Variants in SYNPR observed in about 807,000 individuals in gnomAD.
The protein encoded by SYNPR is synaptoporin.
A neutral mutation model predicts 32.9 loss-of-function variants in SYNPR; 23 were observed. That is an observed-to-expected ratio of 0.70 (90% confidence interval 0.50 to 0.99). SYNPR has a LOEUF of 0.99. SYNPR is among the 50% of genes least tolerant of loss of function. The pLI is 0.00. For missense variants in SYNPR, 318 were observed against 349.3 expected (o/e 0.91, Z 0.71); for synonymous variants, 146 against 135.9 (o/e 1.07, Z -0.52).
At chr3:63,531,722 C>T (rs879706046) in intron 3 of SYNPR, among the ~76,000 whole-genome samples, 85 of 152,316 alleles carry the variant, frequency 5.6e-4, no homozygotes, top group Non-Finnish European at 1.0e-3. Context: ...AAAGTGGCCT[C>T]TGCCCAGTGA....
intron 3 of SYNPR, among the ~76,000 whole-genome samples, chr3:63,536,122 T>C (rs1702201812): frequency 6.6e-6 from 1 of 151,708 alleles, no homozygotes; most frequent in South Asian, 2.1e-4. Flanking sequence ...AAATAAAAAT[T>C]TTAAAAATTT....
chr3:63,254,823 G>C (rs191060894), intron 2 of SYNPR, among the ~76,000 whole-genome samples: 2 of 152,148 alleles, frequency 1.3e-5, no homozygotes, highest in Non-Finnish European at 2.9e-5. Context: ...ATATAATTAA[G>C]TTATAATGAA....
intron 3 of SYNPR, among the ~76,000 whole-genome samples, chr3:63,533,037 T>C (rs921251061): frequency 1.3e-5 from 2 of 152,178 alleles, no homozygotes; most frequent in African/African-American, 4.8e-5. Context: ...GCACTTGACC[T>C]ATACCTCAAT....
chr3:63,553,839 A>T (rs960306962), intron 3 of SYNPR, among the ~76,000 whole-genome samples: 2 of 152,152 alleles, frequency 1.3e-5, no homozygotes, highest in African/African-American at 4.8e-5. Flanking sequence ...CTCCTGCCTC[A>T]GCCTCCCGAG....
At chr3:63,263,648 G>T (rs1194463207) in intron 2 of SYNPR, among the ~76,000 whole-genome samples, 2 of 152,160 alleles carry the variant, frequency 1.3e-5, no homozygotes, top group African/African-American at 4.8e-5. Context: ...GTGAGTTGGT[G>T]CTGGCTGCCA....
chr3:63,516,591 AT>A (rs1303967226), intron 3 of SYNPR, among the ~76,000 whole-genome samples: 4 of 152,136 alleles, frequency 2.6e-5, no homozygotes, highest in African/African-American at 9.7e-5. Context: ...TCTCACCTTT[AT>A]TTTATAGTTT....
At chr3:63,248,153 A>C (rs1391314492) in intron 1 of SYNPR, among the ~76,000 whole-genome samples, 1 of 151,916 alleles carries the variant, frequency 6.6e-6, no homozygotes, top group Non-Finnish European at 1.5e-5. Context: ...TGTATTAAAA[A>C]CTCCCTCCTT....
chr3:63,245,870 T>C (rs1361306367), intron 1 of SYNPR, among the ~76,000 whole-genome samples: 1 of 152,022 alleles, frequency 6.6e-6, no homozygotes, highest in African/African-American at 2.4e-5. Flanking sequence ...ATGAACAGTC[T>C]GAATATTCAT....
At chr3:63,277,261 T>C (rs1210944228), upstream of SYNPR, among the ~76,000 whole-genome samples, 1 of 152,162 alleles carries the variant, frequency 6.6e-6, no homozygotes, top group Admixed American at 6.5e-5. Context: ...ATTATTAACT[T>C]ATGGGGGTTT....
intron 1 of SYNPR, among the ~76,000 whole-genome samples, chr3:63,247,025 A>T (rs992490691): frequency 5.9e-5 from 9 of 152,018 alleles, no homozygotes; most frequent in Non-Finnish European, 1.3e-4. Context: ...ATGTTTACCT[A>T]TGTAGCAAAA....
intron 5 of SYNPR, among the ~76,000 whole-genome samples, chr3:63,613,515 T>C (rs1418048395): frequency 6.7e-6 from 1 of 149,616 alleles, no homozygotes; most frequent in South Asian, 2.1e-4. Flanking sequence ...AACCAGTCTT[T>C]AATTAGATCA....
At chr3:63,543,567 T>C (rs570738267) in intron 3 of SYNPR, among the ~76,000 whole-genome samples, 1 of 152,254 alleles carries the variant, frequency 6.6e-6, no homozygotes, top group African/African-American at 2.4e-5. Flanking sequence ...TTTCCAATAA[T>C]TAAATACCAT....
At chr3:63,583,946 T>G (rs1256357489) in intron 4 of SYNPR, among the ~76,000 whole-genome samples, 1 of 152,052 alleles carries the variant, frequency 6.6e-6, no homozygotes, top group Non-Finnish European at 1.5e-5. Flanking sequence ...AAGAACCACT[T>G]GCCCTGGGTT....
chr3:63,327,572 A>T (rs2087181086), intron 2 of SYNPR, among the ~76,000 whole-genome samples: 1 of 152,166 alleles, frequency 6.6e-6, no homozygotes, highest in African/African-American at 2.4e-5. Flanking sequence ...GAACAAATAC[A>T]TTTTGGTATA....
chr3:63,407,646 C>G (rs531644784), intron 2 of SYNPR, among the ~76,000 whole-genome samples: 1 of 152,144 alleles, frequency 6.6e-6, no homozygotes, highest in East Asian at 1.9e-4. Context: ...ATTTTTTCAA[C>G]AATATCTTTG....
chr3:63,616,547 C>A lies in SYNPR; in HGVS notation c.*1066C>A, dbSNP rs1700281109. 1 of 152,622 alleles carries A rather than the reference C, an allele frequency of 6.6e-6. No homozygotes were observed. Among genetic ancestry groups the A allele is most frequent in the Non-Finnish European group, 1.5e-5 (1 of 68,036 alleles). 9.5% of individuals were successfully genotyped at this position (152,622 alleles called of 1,614,324 possible). ...ATTATTAAAAATTCTCAAGTCACAG[C>A]TAAACTTACTAATTCTGATTTTAGT... is the stretch of plus-strand genomic sequence containing the variant. On this transcript the variant is annotated 3_prime_UTR_variant, in exon 6 of 6. Coordinates refer to ENST00000478300, the MANE Select transcript of SYNPR (RefSeq NM_001130003.2).
intron 2 of SYNPR, among the ~76,000 whole-genome samples, chr3:63,374,500 G>A (rs1029861774): frequency 1.3e-5 from 2 of 151,804 alleles, no homozygotes; most frequent in East Asian, 3.9e-4. Context: ...TTATTATCTG[G>A]GTGATTAAAT....
chr3:63,487,531 G>A (rs1323042997), intron 3 of SYNPR, among the ~76,000 whole-genome samples: 2 of 152,070 alleles, frequency 1.3e-5, no homozygotes, highest in East Asian at 1.9e-4. Context: ...TGGTTAATTA[G>A]CAAAATTACC....
intron 2 of SYNPR, among the ~76,000 whole-genome samples, chr3:63,455,046 A>G (rs915247515): frequency 2.0e-5 from 3 of 152,038 alleles, no homozygotes. Context: ...ATCTTTTTTA[A>G]TACTTTCTGA....
Sources: gnomAD v4.1 joint callset for allele counts (sites outside exome capture counted in the v4.1 genomes callset) on GRCh38, gnomAD v4.1.1 for gene constraint, MANE v1.5 for transcripts, NCBI Gene and HGNC (gene_info 2026-07-23, HGNC 2026-07-21) for gene names.